The following COL4A5 variants were observed in gnomAD, a reference collection of about 807,000 sequenced individuals.
The protein encoded by COL4A5 is collagen type IV alpha 5 chain.
COL4A5 carries 26 observed loss-of-function variants against 130.2 expected under a neutral mutation model. That is an observed-to-expected ratio of 0.20 (90% CI 0.15 to 0.28). The LOEUF is 0.28. COL4A5 is among the 10% of genes least tolerant of loss of function. COL4A5 has a pLI of 1.00. For missense variants in COL4A5, 1,131 were observed against 1,344.3 expected, an observed-to-expected ratio of 0.84 and a Z score of 2.48; for synonymous variants, 496 against 439.6, an observed-to-expected ratio of 1.13 and a Z score of -1.60.
At chrX:108,509,874 T>A (rs985873501) in intron 1 of COL4A5, among the ~76,000 whole-genome samples, 15 of 112,203 alleles carry the variant, frequency 1.3e-4, no homozygotes, top group African/African-American at 4.2e-4. Flanking sequence ...ATTGTCACAC[T>A]AGTCACAATA....
At chrX:108,580,775 A>T (rs2294543) in intron 15 of COL4A5, 37 bp downstream of exon 15, 8 of 1,140,696 alleles carry the variant, frequency 7.0e-6, no homozygotes, top group Non-Finnish European at 2.4e-6. Context: ...TTGCAAAAAA[A>T]TTCTAAATGT....
At chrX:108,472,067 T>C (rs2064777145) in intron 1 of COL4A5, among the ~76,000 whole-genome samples, 1 of 111,925 alleles carries the variant, frequency 8.9e-6, no homozygotes, top group Non-Finnish European at 1.9e-5. Flanking sequence ...AAGTATTTTC[T>C]AATTAGTTTT....
chrX:108,606,990 A>G, intron 29 of COL4A5, 98 bp downstream of exon 29: 1 of 871,254 alleles, frequency 1.1e-6, no homozygotes, highest in Non-Finnish European at 1.7e-6. Context: ...TTAACTGGAA[A>G]CCCTATGCTG....
chrX:108,555,750 G>T (rs1415182586), intron 2 of COL4A5, among the ~76,000 whole-genome samples: 1 of 111,477 alleles, frequency 9.0e-6, no homozygotes, highest in Non-Finnish European at 1.9e-5. Context: ...TCCTGAAGAT[G>T]GTAACACTTT....
intron 33 of COL4A5, among the ~76,000 whole-genome samples, chrX:108,623,659 A>T (rs2067098567): frequency 1.8e-5 from 2 of 111,324 alleles, no homozygotes; most frequent in African/African-American, 6.5e-5. Context: ...TTGTCAGTTC[A>T]TGTGTATGTG....
In COL4A5 at chrX:108,577,964, C is replaced by T. The variant is rs2066180618; in HGVS notation, c.622C>T (p.Pro208Ser). The change falls in exon 11 of 53, where the codon CCA becomes TCA. Residue 208 changes from proline (P) to serine (S), a missense_variant. By Grantham distance (74) the Pro-to-Ser change is moderately conservative. Transcript: ENST00000328300. ...CTTCTCTTCTTAGGGCCCTCCTGGT[C>T]CACCAGGACTTCCAGGACCTAAGGT... ...GPPGLMGPPG[P>S]PGLPGPKGNM... The T allele has an allele frequency of 8.3e-7, 1 of 1,199,989 alleles. No individual in the cohort carries two copies. Among genetic ancestry groups the T allele is most frequent in the Non-Finnish European group, 1.1e-6 (1 of 887,380 alleles).
intron 49 of COL4A5, among the ~76,000 whole-genome samples, chrX:108,688,315 G>T (rs2068585705): frequency 9.0e-6 from 1 of 111,330 alleles, no homozygotes; most frequent in African/African-American, 3.3e-5. Flanking sequence ...ATGGGATGAG[G>T]GGACTAAATC....
At chrX:108,549,148 A>T (rs1401276829) in intron 2 of COL4A5, among the ~76,000 whole-genome samples, 1 of 111,950 alleles carries the variant, frequency 8.9e-6, no homozygotes, top group Non-Finnish European at 1.9e-5. Context: ...GAGATTCAAA[A>T]TACATGAAGC....
At chrX:108,544,953 A>T (rs1274867889) in intron 2 of COL4A5, among the ~76,000 whole-genome samples, 2 of 111,154 alleles carry the variant, frequency 1.8e-5, no homozygotes, top group Non-Finnish European at 3.8e-5. Flanking sequence ...ATCGGTGGTG[A>T]TATCTCCTTT....
At chrX:108,482,657 G>A (rs1456139105) in intron 1 of COL4A5, among the ~76,000 whole-genome samples, 1 of 111,756 alleles carries the variant, frequency 8.9e-6, no homozygotes, top group Non-Finnish European at 1.9e-5. Context: ...GAGAGGCTGT[G>A]CATGCATCTT....
intron 2 of COL4A5, among the ~76,000 whole-genome samples, chrX:108,549,970 A>G (rs185240451): frequency 9.0e-6 from 1 of 111,546 alleles, no homozygotes; most frequent in East Asian, 2.8e-4. Flanking sequence ...AAACAAATAA[A>G]TGCGTGAGTG....
chrX:108,610,292 A>G (rs2066810268), intron 29 of COL4A5, among the ~76,000 whole-genome samples: 1 of 111,450 alleles, frequency 9.0e-6, no homozygotes, highest in South Asian at 3.8e-4. Context: ...GAACAGGGCC[A>G]TGCTTCTGGA....
At chrX:108,674,293 C>T (rs1220400880) in intron 42 of COL4A5, among the ~76,000 whole-genome samples, 1 of 111,000 alleles carries the variant, frequency 9.0e-6, no homozygotes, top group Non-Finnish European at 1.9e-5. Flanking sequence ...GAAATTGGCA[C>T]CTGGTGTTTT....
At chrX:108,642,837 C>G (rs779237857) in intron 36 of COL4A5, among the ~76,000 whole-genome samples, 1 of 92,776 alleles carries the variant, frequency 1.1e-5, no homozygotes, top group African/African-American at 4.6e-5. Context: ...CTCTTTAACA[C>G]TCCCCCTCTC....
intron 36 of COL4A5, among the ~76,000 whole-genome samples, chrX:108,632,378 C>A (rs1383672004): frequency 9.0e-6 from 1 of 110,952 alleles, no homozygotes; most frequent in African/African-American, 3.3e-5. Flanking sequence ...CAGATGGATT[C>A]ACAGCCGAAT....
chrX:108,565,656 T>C (rs1456061654), intron 4 of COL4A5, among the ~76,000 whole-genome samples: 3 of 112,211 alleles, frequency 2.7e-5, no homozygotes, highest in Non-Finnish European at 5.6e-5. Context: ...GGGTTGCTGT[T>C]TATTAAGCTT....
chrX:108,521,727 A>G (rs937306123), intron 1 of COL4A5, among the ~76,000 whole-genome samples: 7 of 111,842 alleles, frequency 6.3e-5, no homozygotes, highest in African/African-American at 2.3e-4. Context: ...TTTCAAGCAT[A>G]GAAAAGTCTT....
At chrX:108,541,476 C>T (rs936956173) in intron 2 of COL4A5, among the ~76,000 whole-genome samples, 3 of 112,125 alleles carry the variant, frequency 2.7e-5, no homozygotes, top group African/African-American at 9.7e-5. Context: ...TATGGCTTTT[C>T]CCCTGAGTAC....
chrX:108,514,494 C>A (rs1167146484), intron 1 of COL4A5, among the ~76,000 whole-genome samples: 1 of 111,525 alleles, frequency 9.0e-6, no homozygotes, highest in East Asian at 2.8e-4. Flanking sequence ...TCCAGGGAAC[C>A]ATTTACACTG....
Sources: gnomAD v4.1 joint callset for allele counts (sites outside exome capture counted in the v4.1 genomes callset) on GRCh38, gnomAD v4.1.1 for gene constraint, MANE v1.5 for transcripts, NCBI Gene and HGNC (gene_info 2026-07-23, HGNC 2026-07-21) for gene names.